The following CFAP74 variants were observed in gnomAD, a reference collection of about 807,000 sequenced individuals.
CFAP74 encodes cilia- and flagella-associated protein 74.
CFAP74 carries 124 observed loss-of-function variants against 188.9 expected under a neutral mutation model. The ratio of observed to expected loss-of-function variants is 0.66; its 90% CI spans 0.57 to 0.76. The LOEUF (loss-of-function observed/expected upper bound fraction) is 0.76. Among genes scored for constraint, CFAP74 ranks in the 30% least tolerant of loss-of-function variants. CFAP74 has a pLI of 0.00. For missense variants in CFAP74, 2,198 were observed against 2,165.2 expected, an observed-to-expected ratio of 1.02 and a Z score of -0.30; for synonymous variants, 956 against 916.7, an observed-to-expected ratio of 1.04 and a Z score of -0.77.
chr1:1,954,792 C>T, intron 18 of CFAP74: 1 of 1,105,716 alleles, frequency 9.0e-7, no homozygotes, highest in South Asian at 2.1e-5. Context: ...ATAAAAAGAA[C>T]TCACTTTGGT....
intron 15 of CFAP74, 56 bp from the exon 16 acceptor site, chr1:1,959,265 G>C: frequency 9.2e-7 from 1 of 1,090,848 alleles, no homozygotes; most frequent in Non-Finnish European, 1.3e-6. Flanking sequence ...TGTGTGTTTT[G>C]TTTTTTTTTT....
chr1:1,931,858 T>C (rs1475073693), intron 25 of CFAP74, among the ~76,000 whole-genome samples: 2 of 125,334 alleles, frequency 1.6e-5, no homozygotes, highest in Non-Finnish European at 3.3e-5. Context: ...AGGTCAGGAG[T>C]TCAAGACCAG....
At chr1:1,964,814 G>T (rs945753275) in intron 13 of CFAP74, 74 bp downstream of exon 13, 6 of 1,547,076 alleles carry the variant, frequency 3.9e-6, no homozygotes, top group Non-Finnish European at 4.4e-6. Context: ...GGTGTCAGGG[G>T]TTGGGCTGCG....
chr1:2,000,556 A>G (rs148864231), intron 1 of CFAP74, among the ~76,000 whole-genome samples: 8 of 152,326 alleles, frequency 5.3e-5, no homozygotes, highest in Non-Finnish European at 8.8e-5. Flanking sequence ...TCTGGAAGCC[A>G]TCGTCTAAAA....
At chr1:1,985,307 G>A in intron 6 of CFAP74, 79 bp downstream of exon 6, 1 of 1,247,486 alleles carries the variant, frequency 8.0e-7, no homozygotes, top group Admixed American at 1.7e-5. Flanking sequence ...CCCAGATCTT[G>A]CTCTCTGCCC....
In CFAP74 at chr1:1,959,831, CAG is replaced by C. The variant is rs555553038; in HGVS notation, c.1761+131_1761+132del. On this transcript the variant is annotated intron_variant, in intron 15 of 38. Coordinates refer to ENST00000682832, the MANE Select transcript of CFAP74 (RefSeq NM_001304360.2). ...TATTTTTGGAAGTAAAATAGCAAAA[CAG>C]GGGCCTGCGTGATCCTCACTGAGAG... The C allele has an allele frequency of 2.5e-4, 173 of 702,960 alleles. 1 individual carries two copies. The highest frequency in any genetic ancestry group is 9.6e-4 in the East Asian group (29 of 30,270). The allele number at this position is 702,960 out of a possible 1,614,324, so 43.5% of individuals were successfully genotyped here. A position where few individuals can be genotyped will look rare whatever the true frequency, so the allele number is the denominator to read the frequency against.
At chr1:1,949,489 AT>A (rs146273737) in intron 18 of CFAP74, among the ~76,000 whole-genome samples, 22,636 of 149,596 alleles carry the variant, frequency 0.15, 3,315 homozygotes, top group African/African-American at 0.38. Flanking sequence ...TGTGTGAGTG[AT>A]TTTTTTTTTA....
intron 9 of CFAP74, among the ~76,000 whole-genome samples, chr1:1,971,142 C>T (rs190521299): frequency 2.0e-5 from 3 of 150,488 alleles, no homozygotes; most frequent in East Asian, 2.0e-4. Flanking sequence ...CACACATGCT[C>T]GCACATGCAC....
chr1:1,987,628 G>C (rs900028464), intron 4 of CFAP74, among the ~76,000 whole-genome samples: 2 of 151,124 alleles, frequency 1.3e-5, no homozygotes, highest in African/African-American at 4.9e-5. Flanking sequence ...TGCAACCTCC[G>C]CCCCCCAGGT....
intron 14 of CFAP74, among the ~76,000 whole-genome samples, chr1:1,960,870 C>T (rs1655038729): frequency 6.6e-6 from 1 of 152,162 alleles, no homozygotes; most frequent in South Asian, 2.1e-4. Flanking sequence ...CAGGGCCGAG[C>T]TCCAAACCCT....
chr1:1,993,871 A>T (rs1204792006), intron 1 of CFAP74, among the ~76,000 whole-genome samples: 1 of 150,974 alleles, frequency 6.6e-6, no homozygotes, highest in African/African-American at 2.4e-5. Context: ...AGTCCCAGCT[A>T]CTCGGGAGGC....
chr1:1,945,116 G>T (rs1653657039), intron 20 of CFAP74, among the ~76,000 whole-genome samples: 4 of 152,036 alleles, frequency 2.6e-5, no homozygotes. Flanking sequence ...GACCAGCCTG[G>T]GCAGTGTGGT....
At position 1,927,708 on chromosome 1, in the gene CFAP74, A is replaced by C; in HGVS notation, c.3426T>G (p.His1142Gln). 2.6e-6 allele frequency: 4 copies of C among 1,550,170 alleles called. No individual in the cohort carries two copies. Among genetic ancestry groups the C allele is most frequent in the Non-Finnish European group, 2.6e-6 (3 of 1,146,816 alleles). The stretch of plus-strand genomic sequence containing the variant: ...CTCGAAGAACGGAGAATGACAGTCC[A>C]TGCAGGTCCTTCCTCTGGGGGGCCA... ...KNMAPQRKDLHGLSFSVLRAQ... is the reference protein window; with the variant it reads ...KNMAPQRKDLQGLSFSVLRAQ... Residue 1142 changes from histidine to glutamine, a missense_variant, in exon 28 of 39, where the codon CAT becomes CAG. His to Gln is a conservative substitution (Grantham distance 24, BLOSUM62 0). Coordinates refer to ENST00000682832, the MANE Select transcript of CFAP74 (RefSeq NM_001304360.2).
rs1367090208 is a variant in CFAP74 at position 1,928,852 on chromosome 1, C to A, written c.3319G>T (p.Val1107Leu). ...TGGCGGATCAGCTTCTCGGGCAGCA[C>A]TGGCCGGAAGGCCACCTGGACCAGG... Reference protein sequence around the residue: ...RCLVQVAFRPVLPEKLIRQEA... With the variant: ...RCLVQVAFRPLLPEKLIRQEA... Residue 1107 changes from valine (V) to leucine (L), a missense_variant, in exon 27 of 39, where the codon GTG becomes TTG. By Grantham distance (32) the Val-to-Leu change is conservative (BLOSUM62 1). Transcript: ENST00000682832. 1.1e-5 allele frequency: 17 copies of A among 1,535,578 alleles called. No individual in the cohort carries two copies. Among genetic ancestry groups the A allele is most frequent in the Non-Finnish European group, 1.4e-5 (16 of 1,146,740 alleles).
At chr1:1,949,787 G>A (rs756337944) in intron 18 of CFAP74, among the ~76,000 whole-genome samples, 6 of 152,052 alleles carry the variant, frequency 3.9e-5, no homozygotes, top group African/African-American at 9.7e-5. Flanking sequence ...AGTCTTTTGC[G>A]TCTGAGTTCT....
At chr1:1,961,576 A>AACCC (rs1489912705) in intron 14 of CFAP74, among the ~76,000 whole-genome samples, 1 of 152,096 alleles carries the variant, frequency 6.6e-6, no homozygotes, top group Non-Finnish European at 1.5e-5. Flanking sequence ...CGACCACCTA[A>AACCC]ACCCACCTCT....
chr1:1,988,818 A>AACC, intron 3 of CFAP74, 71 bp downstream of exon 3: 3 of 263,618 alleles, frequency 1.1e-5, no homozygotes, highest in South Asian at 2.6e-5. Flanking sequence ...CGCTCCCTTC[A>AACC]CCCACCCCCC....
At chr1:1,998,998 A>G (rs1298552754) in intron 1 of CFAP74, among the ~76,000 whole-genome samples, 4 of 152,262 alleles carry the variant, frequency 2.6e-5, no homozygotes, top group Middle Eastern at 3.2e-3. Flanking sequence ...ATTGCTCTAT[A>G]GATTCCCTAA....
Position 1,956,773 on chromosome 1 carries a change from G to A in CFAP74, c.1863C>T (p.Asp621=). The stretch of plus-strand genomic sequence containing the variant: ...AGCTGCCGAAGTCAATGAGCTCCTT[G>A]TCGAGGGACAGCTGCCAGAGGACAT... The part of the protein sequence containing the change: ...CSTKKCSLSL[D]KELIDFGSYV... Residue 621 remains aspartate, a synonymous_variant, in exon 17 of 39, where the codon GAC becomes GAT. Transcript: ENST00000682832. 1 of 1,612,894 alleles carries A rather than the reference G, an allele frequency of 6.2e-7. No individual in the cohort carries two copies. The highest frequency in any genetic ancestry group is 1.1e-5 in the South Asian group (1 of 90,872).
Sources: allele counts gnomAD v4.1 joint callset (sites outside exome capture counted in the v4.1 genomes callset), GRCh38; gene constraint gnomAD v4.1.1; transcripts MANE v1.5; gene names NCBI Gene and HGNC (gene_info 2026-07-23, HGNC 2026-07-21).